Variants in PTPRD observed in about 807,000 individuals in gnomAD.
PTPRD encodes the protein protein tyrosine phosphatase receptor type D.
In PTPRD, 34 loss-of-function variants were observed where a neutral mutation model predicts 214.5. That is an observed-to-expected ratio of 0.16 (90% confidence interval 0.12 to 0.21). The LOEUF is 0.21. PTPRD is among the 10% of genes least tolerant of loss of function. The pLI is 1.00. For synonymous variants in PTPRD, 1,128 were observed against 845.7 expected, an observed-to-expected ratio of 1.33 and a Z score of -5.79; for missense variants, 2,545 against 2,398.7, an observed-to-expected ratio of 1.06 and a Z score of -1.27.
At chr9:8,650,121 T>G (rs903642883) in intron 12 of PTPRD, among the ~76,000 whole-genome samples, 2 of 152,124 alleles carry the variant, frequency 1.3e-5, no homozygotes, top group Non-Finnish European at 2.9e-5. Context: ...TCTAGCTATG[T>G]TGCTCAGACT....
chr9:8,383,407 C>A (rs536411798), intron 37 of PTPRD, among the ~76,000 whole-genome samples: 14 of 152,280 alleles, frequency 9.2e-5, no homozygotes, highest in African/African-American at 3.1e-4. Flanking sequence ...AGCCCAGTCT[C>A]TTTGGCCCTG....
intron 12 of PTPRD, among the ~76,000 whole-genome samples, chr9:8,672,219 T>C (rs1388289476): frequency 6.6e-6 from 1 of 152,182 alleles, no homozygotes; most frequent in East Asian, 1.9e-4. Flanking sequence ...AATCCATTTC[T>C]TCGCTGAGAC....
chr9:10,502,122 A>G (rs549746194), intron 2 of PTPRD, among the ~76,000 whole-genome samples: 5 of 152,002 alleles, frequency 3.3e-5, no homozygotes, highest in East Asian at 3.8e-4. Context: ...CAAACATTTC[A>G]TGGTGAGAAA....
intron 34 of PTPRD, among the ~76,000 whole-genome samples, chr9:8,448,160 AC>A (rs1444257963): frequency 5.9e-5 from 9 of 152,000 alleles, no homozygotes; most frequent in African/African-American, 1.9e-4. Context: ...CTCCACCTCC[AC>A]AAAAATAAAA....
intron 5 of PTPRD, among the ~76,000 whole-genome samples, chr9:9,873,290 A>T (rs185489082): frequency 9.9e-5 from 15 of 152,282 alleles, no homozygotes; most frequent in Admixed American, 5.9e-4. Context: ...TCAGTGGTGG[A>T]AACATTAGCC....
At chr9:9,734,250 G>C (rs1037264400) in intron 7 of PTPRD, among the ~76,000 whole-genome samples, 1 of 152,086 alleles carries the variant, frequency 6.6e-6, no homozygotes, top group African/African-American at 2.4e-5. Context: ...AACTCTTTCA[G>C]TGGGGATTTA....
chr9:9,878,068 G>C (rs2153730647), intron 5 of PTPRD, among the ~76,000 whole-genome samples: 1 of 150,594 alleles, frequency 6.6e-6, no homozygotes, highest in South Asian at 2.1e-4. Context: ...CTGATTGTTT[G>C]ATCAGATAAA....
intron 3 of PTPRD, among the ~76,000 whole-genome samples, chr9:10,165,471 C>T (rs1486581522): frequency 1.3e-5 from 2 of 151,544 alleles, no homozygotes; most frequent in Non-Finnish European, 3.0e-5. Context: ...TAGTGTCAAA[C>T]GTAGAAAAAA....
intron 14 of PTPRD, among the ~76,000 whole-genome samples, chr9:8,566,070 C>T (rs1034301707): frequency 4.8e-5 from 7 of 145,740 alleles, no homozygotes; most frequent in Non-Finnish European, 7.5e-5. Context: ...AAAATACTTC[C>T]GCTGAAAAGA....
intron 5 of PTPRD, among the ~76,000 whole-genome samples, chr9:9,780,565 C>A (rs2098835304): frequency 6.6e-6 from 1 of 152,070 alleles, no homozygotes; most frequent in Non-Finnish European, 1.5e-5. Flanking sequence ...CACAGAATAA[C>A]AAGGACTCTT....
At chr9:9,746,648 G>T (rs1380357603) in intron 6 of PTPRD, among the ~76,000 whole-genome samples, 1 of 152,090 alleles carries the variant, frequency 6.6e-6, no homozygotes, top group African/African-American at 2.4e-5. Context: ...TGAGAAGTTG[G>T]ATGAGAAGTG....
intron 3 of PTPRD, among the ~76,000 whole-genome samples, chr9:10,065,140 T>TAAGAAAGAAAGAAAGA (rs1567443905): frequency 8.3e-4 from 7 of 8,384 alleles, no homozygotes; most frequent in East Asian, 2.6e-3. Flanking sequence ...GTGACTTGGA[T>TAAGAAAGAAAGAAAGA]TAGAAAGAAA....
intron 8 of PTPRD, among the ~76,000 whole-genome samples, chr9:9,556,280 T>C (rs147483751): frequency 5.6e-4 from 85 of 152,288 alleles, no homozygotes; most frequent in African/African-American, 2.0e-3. Context: ...CCTCATTGTC[T>C]TCACACTGAG....
chr9:8,732,558 G>A (rs2098671598), intron 12 of PTPRD, among the ~76,000 whole-genome samples: 1 of 152,122 alleles, frequency 6.6e-6, no homozygotes, highest in Non-Finnish European at 1.5e-5. Context: ...TTAATTATTT[G>A]CTGGCATTAG....
At chr9:8,928,037 A>T (rs2098916074) in intron 11 of PTPRD, among the ~76,000 whole-genome samples, 1 of 152,156 alleles carries the variant, frequency 6.6e-6, no homozygotes, top group African/African-American at 2.4e-5. Flanking sequence ...TCCTTCGCCC[A>T]CTTTTTGATG....
At chr9:9,106,002 T>A (rs1438544743) in intron 10 of PTPRD, among the ~76,000 whole-genome samples, 1 of 152,128 alleles carries the variant, frequency 6.6e-6, no homozygotes, top group African/African-American at 2.4e-5. Context: ...GTTATTGTGC[T>A]TTTCTCTAGG....
intron 36 of PTPRD, among the ~76,000 whole-genome samples, chr9:8,390,244 C>T (rs2088981780): frequency 6.6e-6 from 1 of 152,118 alleles, no homozygotes; most frequent in Non-Finnish European, 1.5e-5. Flanking sequence ...CCTTATACTT[C>T]AAATAAAATC....
At chr9:10,205,560 C>A (rs959091367) in intron 3 of PTPRD, among the ~76,000 whole-genome samples, 1 of 151,856 alleles carries the variant, frequency 6.6e-6, no homozygotes. Context: ...TGTAAGCCAC[C>A]ACACCAGCCT....
intron 11 of PTPRD, among the ~76,000 whole-genome samples, chr9:8,901,692 T>C (rs2098670190): frequency 1.3e-5 from 2 of 152,314 alleles, no homozygotes; most frequent in African/African-American, 4.8e-5. Context: ...TGCTAGTGTA[T>C]CCTAAATCAG....
Sources: gnomAD v4.1 joint callset for allele counts (sites outside exome capture counted in the v4.1 genomes callset) on GRCh38, gnomAD v4.1.1 for gene constraint, MANE v1.5 for transcripts, NCBI Gene and HGNC (gene_info 2026-07-23, HGNC 2026-07-21) for gene names.